Variants in CELF2 observed in about 807,000 individuals in gnomAD.
The protein encoded by CELF2 is CUGBP Elav-like family member 2.
In CELF2, 8 loss-of-function variants were observed where a neutral mutation model predicts 62.6. The observed-to-expected ratio is 0.13, with a 90% confidence interval of 0.07 to 0.23. The LOEUF (loss-of-function observed/expected upper bound fraction) is 0.23, where lower values mean the gene tolerates loss of function less well. CELF2 is among the 10% of genes least tolerant of loss of function. The pLI, the probability that CELF2 is intolerant of heterozygous loss-of-function variation, is 1.00. For synonymous variants in CELF2, 258 were observed against 250.0 expected (o/e 1.03, Z -0.30); for missense variants, 333 against 671.0 (o/e 0.50, Z 5.56).
At chr10:10,595,792 A>T in the CELF2 span, among the ~76,000 whole-genome samples, 1 of 152,316 alleles carries the variant, frequency 6.6e-6, no homozygotes, top group African/African-American at 2.4e-5. Context: ...GCTACTCAGG[A>T]GGCTGAGGTA....
intron 2 of CELF2, among the ~76,000 whole-genome samples, chr10:10,945,433 G>A (rs967395186): frequency 1.1e-4 from 16 of 152,106 alleles, no homozygotes; most frequent in Admixed American, 2.0e-4. Context: ...CCCCACCTGC[G>A]GCCTTCCACC....
the CELF2 span, among the ~76,000 whole-genome samples, chr10:10,496,351 A>G: frequency 6.6e-6 from 1 of 152,170 alleles, no homozygotes; most frequent in South Asian, 2.1e-4. Flanking sequence ...TTTAGAAGCT[A>G]CCTTAATTTC....
chr10:11,136,535 C>T (rs1334028530), intron 1 of CELF2, among the ~76,000 whole-genome samples: 7 of 152,080 alleles, frequency 4.6e-5, no homozygotes, highest in African/African-American at 1.7e-4. Context: ...ACCTGGGAGG[C>T]GGAGGTTGCA....
intron 1 of CELF2, among the ~76,000 whole-genome samples, chr10:10,913,379 C>CT (rs34163796): frequency 0.72 from 41,066 of 57,246 alleles, 18,267 homozygotes; most frequent in East Asian, 0.82. Context: ...GTAATGATGT[C>CT]TTTTTTTTTT....
chr10:10,562,593 A>G, the CELF2 span, among the ~76,000 whole-genome samples: 18 of 152,082 alleles, frequency 1.2e-4, no homozygotes, highest in South Asian at 3.1e-3. Flanking sequence ...CTTTCTAGCG[A>G]CCTCACCGTG....
chr10:10,522,169 C>A, the CELF2 span, among the ~76,000 whole-genome samples: 4 of 152,148 alleles, frequency 2.6e-5, no homozygotes, highest in African/African-American at 7.2e-5. Flanking sequence ...ACCCAAGAGC[C>A]CTTCTCCACA....
At chr10:10,937,179 C>T (rs7921523) in intron 2 of CELF2, among the ~76,000 whole-genome samples, 18,729 of 134,508 alleles carry the variant, frequency 0.14, 4,243 homozygotes, top group African/African-American at 0.48. Flanking sequence ...CAGGCTGGAG[C>T]GCAGTGGTGC....
At chr10:11,024,924 A>G (rs547055460) in intron 1 of CELF2, among the ~76,000 whole-genome samples, 2 of 152,346 alleles carry the variant, frequency 1.3e-5, no homozygotes, top group African/African-American at 4.8e-5. Flanking sequence ...TTTGATTTAC[A>G]TACTAAGTCT....
chr10:10,483,977 GTCCCTCCC>G, the CELF2 span, among the ~76,000 whole-genome samples: 390 of 55,984 alleles, frequency 7.0e-3, 9 homozygotes, highest in African/African-American at 0.027. Flanking sequence ...CTCTCTCTCT[GTCCCTCCC>G]TCCCTCCCTC....
At chr10:10,651,022 C>T in the CELF2 span, among the ~76,000 whole-genome samples, 1 of 151,864 alleles carries the variant, frequency 6.6e-6, no homozygotes, top group Non-Finnish European at 1.5e-5. Context: ...GCGCACCGTG[C>T]GCGAGCCGAA....
At chr10:10,479,730 C>G in the CELF2 span, among the ~76,000 whole-genome samples, 1 of 152,146 alleles carries the variant, frequency 6.6e-6, no homozygotes, top group African/African-American at 2.4e-5. Context: ...TATTTTAAAA[C>G]TCAAGTTTAC....
Position 10,995,301 on chromosome 10 carries a change from T to C in CELF2, c.89+75302T>C, listed in dbSNP as rs1198801505. On this transcript the variant is annotated intron_variant, in intron 2 of 13. Transcript: ENST00000636488. This position sits in a 1 kb window ranked among gnomAD's most constrained non-coding sequence, Gnocchi z 4.7. ...AAACTGGGACCATATTATGACATCT[T>C]TGTATCTCCTTTTCTCCTGAGATGA... Among the ~76,000 whole-genome samples the C allele has an allele frequency of 6.6e-6, 1 of 152,326 alleles. No homozygotes were observed. The highest frequency in any genetic ancestry group is 1.9e-4 in the East Asian group (1 of 5,190).
chr10:11,075,284 A>G lies in CELF2; in HGVS notation c.74+57121A>G, dbSNP rs1039048849. The G allele has an allele frequency of 6.6e-6, 1 of 152,222 alleles. No homozygotes were observed. The highest frequency in any genetic ancestry group is 1.5e-5 in the Non-Finnish European group (1 of 68,050). The allele number at this position is 152,222 out of a possible 1,614,324, so 9.4% of individuals were successfully genotyped here. A position where few individuals can be genotyped will look rare whatever the true frequency, so the allele number is the denominator to read the frequency against. ...GTTGATACTTCTTTTACTAAATAGC[A>G]AAAGCATAATGCCCTTTCAGCATTC... On this transcript the variant is annotated intron_variant, in intron 1 of 12. Coordinates refer to ENST00000633077, the MANE Select transcript of CELF2 (RefSeq NM_001326342.2). The surrounding 1 kb of genome is among the most constrained non-coding windows in gnomAD (Gnocchi z 5.4).
chr10:10,584,673 C>A, the CELF2 span, among the ~76,000 whole-genome samples: 1 of 152,106 alleles, frequency 6.6e-6, no homozygotes, highest in Non-Finnish European at 1.5e-5. Flanking sequence ...CTAACAATAT[C>A]GATTCTTGTA....
At chr10:10,873,645 G>A (rs762822158) in intron 1 of CELF2, among the ~76,000 whole-genome samples, 19 of 152,200 alleles carry the variant, frequency 1.2e-4, no homozygotes, top group Non-Finnish European at 5.9e-5. Flanking sequence ...TATACAACTT[G>A]AATGGGTTTT....
At chr10:10,469,850 AT>A in the CELF2 span, among the ~76,000 whole-genome samples, 2 of 151,738 alleles carry the variant, frequency 1.3e-5, no homozygotes, top group Admixed American at 6.6e-5. Flanking sequence ...TAAATTTTTC[AT>A]TTTTCCTTAT....
At chr10:11,183,857 T>C (rs373000482) in intron 2 of CELF2, among the ~76,000 whole-genome samples, 17 of 152,250 alleles carry the variant, frequency 1.1e-4, no homozygotes, top group African/African-American at 3.6e-4. Context: ...TTTGCAAATA[T>C]TTACTGCTAG....
At chr10:11,155,891 G>A (rs2064275491) in intron 1 of CELF2, among the ~76,000 whole-genome samples, 1 of 152,090 alleles carries the variant, frequency 6.6e-6, no homozygotes, top group Admixed American at 6.6e-5. Context: ...CATCATTTAC[G>A]ACTGAGAAAG....
chr10:10,771,289 G>A, the CELF2 span, among the ~76,000 whole-genome samples: 2 of 152,120 alleles, frequency 1.3e-5, no homozygotes, highest in Admixed American at 6.5e-5. Context: ...AAATAGATCC[G>A]GAAGCCATAG....
Sources: gnomAD v4.1 joint callset for allele counts (sites outside exome capture counted in the v4.1 genomes callset) on GRCh38, gnomAD v4.1.1 for gene constraint, Gnocchi (gnomAD v3.1) non-coding constraint, MANE v1.5 for transcripts, NCBI Gene and HGNC (gene_info 2026-07-23, HGNC 2026-07-21) for gene names.